EML6: variants seen among roughly 807,000 people sequenced by gnomAD.
EML6 encodes the protein EMAP like 6, also known as echinoderm microtubule-associated protein-like 6.
EML6 carries 154 observed loss-of-function variants against 240.1 expected under a neutral mutation model. The observed-to-expected ratio is 0.64, with a 90% CI of 0.56 to 0.73. The LOEUF is 0.73. Ranked by LOEUF, EML6 falls within the 30% of genes least tolerant of loss-of-function variation. EML6 has a pLI of 0.00. For synonymous variants in EML6, 1,148 were observed against 899.0 expected (o/e 1.28, Z -4.95); for missense variants, 2,964 against 2,474.6 (o/e 1.20, Z -4.20).
At chr2:54,795,989 A>T (rs1212039027) in intron 2 of EML6, among the ~76,000 whole-genome samples, 1 of 152,184 alleles carries the variant, frequency 6.6e-6, no homozygotes, top group East Asian at 1.9e-4. Flanking sequence ...CAAAATCTAG[A>T]TGAGATGCTT....
intron 28 of EML6, among the ~76,000 whole-genome samples, chr2:54,930,731 G>C (rs530629247): frequency 5.3e-5 from 8 of 152,222 alleles, no homozygotes; most frequent in African/African-American, 1.9e-4. Context: ...TCAATTCCCA[G>C]AAGGAGCTGG....
At chr2:54,877,677 G>A (rs1024994867) in intron 16 of EML6, among the ~76,000 whole-genome samples, 3 of 152,186 alleles carry the variant, frequency 2.0e-5, no homozygotes, top group African/African-American at 4.8e-5. Context: ...AGCATAAGGG[G>A]ATATCATTAG....
At chr2:54,814,211 C>G (rs910491219) in intron 3 of EML6, among the ~76,000 whole-genome samples, 16 of 152,198 alleles carry the variant, frequency 1.1e-4, no homozygotes, top group South Asian at 4.1e-4. Context: ...TGCAAGACTC[C>G]TATAGCAGAC....
chr2:54,943,379 A>G (rs1675527484), intron 28 of EML6, among the ~76,000 whole-genome samples: 1 of 152,062 alleles, frequency 6.6e-6, no homozygotes, highest in African/African-American at 2.4e-5. Context: ...CCACAGCCAG[A>G]TCCATGTCCT....
At chr2:54,769,488 CAT>C (rs1164411634) in intron 2 of EML6, among the ~76,000 whole-genome samples, 2 of 152,172 alleles carry the variant, frequency 1.3e-5, no homozygotes, top group Non-Finnish European at 2.9e-5. Context: ...ACTACTGAAG[CAT>C]ATACATTTAA....
At chr2:54,896,690 A>G (rs1311284040) in intron 21 of EML6, among the ~76,000 whole-genome samples, 2 of 152,152 alleles carry the variant, frequency 1.3e-5, no homozygotes, top group African/African-American at 4.8e-5. Flanking sequence ...CCTTGCCTTG[A>G]TCTCTGAGTG....
intron 7 of EML6, among the ~76,000 whole-genome samples, chr2:54,830,714 C>G (rs1388932041): frequency 6.6e-6 from 1 of 152,192 alleles, no homozygotes; most frequent in Non-Finnish European, 1.5e-5. Context: ...TTGTTTGCAG[C>G]AAAACTTTGC....
chr2:54,768,608 C>T (rs1668284534), intron 2 of EML6, among the ~76,000 whole-genome samples: 1 of 152,152 alleles, frequency 6.6e-6, no homozygotes, highest in Non-Finnish European at 1.5e-5. Context: ...TGACAAGCAA[C>T]ATGGTAGAGA....
chr2:54,829,710 G>A (rs1312068790), intron 7 of EML6, among the ~76,000 whole-genome samples: 2 of 152,222 alleles, frequency 1.3e-5, no homozygotes, highest in African/African-American at 4.8e-5. Context: ...TGAAGTTGCT[G>A]AGGTTTCTTA....
chr2:54,821,884 A>G (rs1668351337), intron 5 of EML6, among the ~76,000 whole-genome samples: 1 of 152,148 alleles, frequency 6.6e-6, no homozygotes, highest in Non-Finnish European at 1.5e-5. Flanking sequence ...GCAAATATTT[A>G]ACTGCTCAAA....
chr2:54,815,339 C>T (rs988368235), intron 3 of EML6, among the ~76,000 whole-genome samples: 7 of 152,218 alleles, frequency 4.6e-5, no homozygotes, highest in Non-Finnish European at 7.4e-5. Context: ...TCTTCAGGTC[C>T]TCCTTACTCC....
intron 2 of EML6, among the ~76,000 whole-genome samples, chr2:54,792,429 G>A (rs1265265994): frequency 6.6e-6 from 1 of 152,138 alleles, no homozygotes; most frequent in South Asian, 2.1e-4. Flanking sequence ...ATAGGCATCC[G>A]ATGCCCCTGC....
At chr2:54,737,182 A>T (rs149154320) in intron 2 of EML6, among the ~76,000 whole-genome samples, 22 of 152,356 alleles carry the variant, frequency 1.4e-4, no homozygotes, top group Non-Finnish European at 2.8e-4. Flanking sequence ...TACTTATCTT[A>T]GAAGATGTGT....
At chr2:54,945,115 T>C (rs1675618547) in intron 28 of EML6, among the ~76,000 whole-genome samples, 1 of 83,218 alleles carries the variant, frequency 1.2e-5, no homozygotes, top group African/African-American at 4.9e-5. Flanking sequence ...CTCCTCCCTC[T>C]CTCCTCCCAT....
chr2:54,749,147 C>T lies in EML6; in HGVS notation c.197+23889C>T, dbSNP rs78359871. 6.0e-3 allele frequency among the ~76,000 whole-genome samples: 919 copies of T among 152,240 alleles called. 3 individuals carry two copies. The highest frequency in any genetic ancestry group is 0.021 in the African/African-American group (887 of 41,550). ...GGAAAATGATATTCCTGACGGCTTC[C>T]TCTGCTCTTATATCACATTAGTTTT... On this transcript the variant is annotated intron_variant, in intron 2 of 41. Coordinates refer to ENST00000356458, the MANE Select transcript of EML6 (RefSeq NM_001039753.4).
chr2:54,748,914 C>T (rs1165040383), intron 2 of EML6, among the ~76,000 whole-genome samples: 3 of 152,112 alleles, frequency 2.0e-5, no homozygotes, highest in African/African-American at 7.2e-5. Context: ...TATGTCTAAG[C>T]CTTCATATCG....
Position 54,800,203 on chromosome 2 carries a change from C to G in EML6, c.198-13029C>G, listed in dbSNP as rs1022750572. On this transcript the variant is annotated intron_variant, in intron 2 of 41. Coordinates refer to ENST00000356458, the MANE Select transcript of EML6 (RefSeq NM_001039753.4). The stretch of plus-strand genomic sequence containing the variant: ...GAGGTTGCAGTGAGCCGAGATCACA[C>G]TACTGCACTCCAGCCTGACATGCCA... Among the ~76,000 whole-genome samples, 3 of 152,216 alleles carry G rather than the reference C, an allele frequency of 2.0e-5. No individual in the cohort carries two copies. The South Asian group carries it at 6.2e-4, about 32-fold the overall frequency.
At chr2:54,902,162 A>T (rs564083269) in intron 22 of EML6, among the ~76,000 whole-genome samples, 30 of 95,586 alleles carry the variant, frequency 3.1e-4, no homozygotes, top group African/African-American at 6.2e-4. Flanking sequence ...CTTAATATTT[A>T]AAAAAAATGG....
chr2:54,864,432 G>A (rs1670855499), intron 13 of EML6, among the ~76,000 whole-genome samples: 1 of 152,180 alleles, frequency 6.6e-6, no homozygotes, highest in Non-Finnish European at 1.5e-5. Context: ...AAGCTGATCA[G>A]CTGACTTCAG....
Sources: allele counts gnomAD v4.1 joint callset (sites outside exome capture counted in the v4.1 genomes callset), GRCh38; gene constraint gnomAD v4.1.1; transcripts MANE v1.5; gene names NCBI Gene and HGNC (gene_info 2026-07-23, HGNC 2026-07-21).